Variants in GALNTL6 observed in about 807,000 individuals in gnomAD.
GALNTL6 encodes the protein polypeptide N-acetylgalactosaminyltransferase like 6, also known as polypeptide N-acetylgalactosaminyltransferase-like 6.
In GALNTL6, 46 loss-of-function variants were observed where a neutral mutation model predicts 73.7. The ratio of observed to expected loss-of-function variants is 0.62; its 90% CI spans 0.49 to 0.80. GALNTL6 has a LOEUF of 0.80. GALNTL6 is among the 30% of genes least tolerant of loss of function. The pLI is 0.00. For missense variants in GALNTL6, 604 were observed against 755.0 expected (o/e 0.80, Z 2.34); for synonymous variants, 259 against 263.7 (o/e 0.98, Z 0.17).
chr4:172,877,189 A>T (rs1404623603), intron 7 of GALNTL6, among the ~76,000 whole-genome samples: 1 of 152,174 alleles, frequency 6.6e-6, no homozygotes, highest in African/African-American at 2.4e-5. Flanking sequence ...ATCTTTAAAT[A>T]TGATGTCTTT....
chr4:172,867,350 G>A (rs1166509820), intron 7 of GALNTL6, among the ~76,000 whole-genome samples: 3 of 152,180 alleles, frequency 2.0e-5, no homozygotes, highest in Non-Finnish European at 2.9e-5. Context: ...TGCTAAGTAG[G>A]TGTTTGTGGT....
intron 5 of GALNTL6, among the ~76,000 whole-genome samples, chr4:172,378,889 G>T (rs906986559): frequency 3.3e-5 from 5 of 152,010 alleles, no homozygotes; most frequent in Non-Finnish European, 5.9e-5. Flanking sequence ...AGTGTTTTAT[G>T]TTCAAGATTT....
At chr4:172,311,553 G>A in intron 3 of GALNTL6, 61 bp from the exon 4 acceptor site, 1 of 1,459,078 alleles carries the variant, frequency 6.9e-7, no homozygotes, top group East Asian at 2.3e-5. Context: ...CTTCCTATCT[G>A]TTCTAGAAGA....
At chr4:172,494,052 T>TAAGA (rs1409009175) in intron 5 of GALNTL6, among the ~76,000 whole-genome samples, 1 of 152,170 alleles carries the variant, frequency 6.6e-6, no homozygotes, top group African/African-American at 2.4e-5. Flanking sequence ...TACAGCTCTT[T>TAAGA]AAGAAAGAAA....
intron 5 of GALNTL6, among the ~76,000 whole-genome samples, chr4:172,797,582 C>T (rs1357041237): frequency 6.6e-6 from 1 of 151,800 alleles, no homozygotes; most frequent in Non-Finnish European, 1.5e-5. Flanking sequence ...GGGTCTCGCC[C>T]TGTTGCCCAG....
At chr4:172,216,799 G>C (rs1285124859) in intron 2 of GALNTL6, among the ~76,000 whole-genome samples, 1 of 152,132 alleles carries the variant, frequency 6.6e-6, no homozygotes, top group Non-Finnish European at 1.5e-5. Context: ...ATGTGTCCAA[G>C]GTGGTCGGGG....
intron 5 of GALNTL6, among the ~76,000 whole-genome samples, chr4:172,438,437 T>C (rs1375246667): frequency 9.2e-5 from 14 of 152,016 alleles, no homozygotes; most frequent in Non-Finnish European, 1.5e-5. Context: ...ATCCATCAAT[T>C]CTAACATTTT....
intron 2 of GALNTL6, among the ~76,000 whole-genome samples, chr4:172,185,994 T>C (rs990795763): frequency 5.3e-5 from 8 of 152,176 alleles, no homozygotes; most frequent in Non-Finnish European, 5.9e-5. Flanking sequence ...GAAATGAAGA[T>C]ATAAAACTAT....
chr4:172,557,032 G>A (rs1456080197), intron 5 of GALNTL6, among the ~76,000 whole-genome samples: 1 of 152,124 alleles, frequency 6.6e-6, no homozygotes, highest in Non-Finnish European at 1.5e-5. Flanking sequence ...CACAGAACAT[G>A]AATGTTCAGT....
In GALNTL6 at chr4:171,819,413, A is replaced by T. The variant is rs569142654; in HGVS notation, c.138+4695A>T. On this transcript the variant is annotated intron_variant, in intron 2 of 12. Transcript: ENST00000506823. ...GTTCACAATCTGGTCAAAAAAATAA[A>T]TAAATAATTTTTCCCCTCTATTCAT... Among the ~76,000 whole-genome samples, 3 of 152,174 alleles carry T rather than the reference A, an allele frequency of 2.0e-5. No homozygotes were observed. The East Asian group carries it at 5.8e-4, about 29-fold the overall frequency.
chr4:172,455,175 G>C (rs546589666), intron 5 of GALNTL6, among the ~76,000 whole-genome samples: 1 of 152,316 alleles, frequency 6.6e-6, no homozygotes, highest in South Asian at 2.1e-4. Flanking sequence ...AGTGCACTTT[G>C]GCCCAGCTAC....
At chr4:172,098,760 C>T (rs529519105) in intron 2 of GALNTL6, among the ~76,000 whole-genome samples, 2 of 152,136 alleles carry the variant, frequency 1.3e-5, no homozygotes, top group Admixed American at 1.3e-4. Flanking sequence ...ATTTTGCACC[C>T]TGGGGAGTAT....
intron 2 of GALNTL6, among the ~76,000 whole-genome samples, chr4:172,073,730 CA>C (rs1176553103): frequency 6.6e-6 from 1 of 152,200 alleles, no homozygotes; most frequent in Non-Finnish European, 1.5e-5. Flanking sequence ...AAGCTAGAGA[CA>C]GCAGCAGGGC....
chr4:172,471,388 C>A (rs1044385117), intron 5 of GALNTL6, among the ~76,000 whole-genome samples: 4 of 152,196 alleles, frequency 2.6e-5, no homozygotes, highest in African/African-American at 9.7e-5. Flanking sequence ...TTAAAGGTAA[C>A]CTTTCCCTTT....
intron 2 of GALNTL6, among the ~76,000 whole-genome samples, chr4:171,936,325 C>G (rs1028962224): frequency 6.6e-6 from 1 of 152,154 alleles, no homozygotes; most frequent in Non-Finnish European, 1.5e-5. Flanking sequence ...CACTGGTTCA[C>G]TGGCTTAATT....
At chr4:172,112,063 A>C (rs2110980925) in intron 2 of GALNTL6, among the ~76,000 whole-genome samples, 1 of 152,140 alleles carries the variant, frequency 6.6e-6, no homozygotes, top group East Asian at 1.9e-4. Context: ...CCATCCATTC[A>C]TCCTCCCTGT....
At chr4:173,014,104 TAA>T (rs1406324966) in intron 11 of GALNTL6, among the ~76,000 whole-genome samples, 1 of 148,588 alleles carries the variant, frequency 6.7e-6, no homozygotes, top group African/African-American at 2.5e-5. Context: ...ACATGGGAAA[TAA>T]AAAAGAGTCC....
intron 7 of GALNTL6, among the ~76,000 whole-genome samples, chr4:172,855,206 A>AAG (rs1744062929): frequency 6.6e-6 from 1 of 151,536 alleles, no homozygotes; most frequent in Admixed American, 6.6e-5. Context: ...GAAAAAAAAA[A>AAG]AAAAAGAAAC....
chr4:172,577,206 T>TA (rs1384920703), intron 5 of GALNTL6, among the ~76,000 whole-genome samples: 1 of 152,218 alleles, frequency 6.6e-6, no homozygotes, highest in African/African-American at 2.4e-5. Flanking sequence ...CAAGCAAATA[T>TA]AGCACTACTG....
Sources: gnomAD v4.1 joint callset for allele counts (sites outside exome capture counted in the v4.1 genomes callset) on GRCh38, gnomAD v4.1.1 for gene constraint, MANE v1.5 for transcripts, NCBI Gene and HGNC (gene_info 2026-07-23, HGNC 2026-07-21) for gene names.